The following UBE2O variants were observed in gnomAD, a reference collection of about 807,000 sequenced individuals.
UBE2O encodes the protein (E3-independent) E2 ubiquitin-conjugating enzyme.
In UBE2O, 15 loss-of-function variants were observed where a neutral mutation model predicts 125.8. That is an observed-to-expected ratio of 0.12 (90% confidence interval 0.08 to 0.18). The LOEUF is 0.18. Among genes scored for constraint, UBE2O ranks in the 10% least tolerant of loss-of-function variants. The probability of loss-of-function intolerance (pLI) is 1.00; values close to 1 mark genes in which losing one functional copy is unlikely to be tolerated. For synonymous variants in UBE2O, 708 were observed against 703.2 expected, an observed-to-expected ratio of 1.01 and a Z score of -0.11; for missense variants, 1,280 against 1,723.6, an observed-to-expected ratio of 0.74 and a Z score of 4.56.
chr17:76,399,394 A>G lies in UBE2O; in HGVS notation c.1628+55T>C, dbSNP rs557740628. 156 of 1,549,840 alleles carry G rather than the reference A, an allele frequency of 1.0e-4. No individual in the cohort carries two copies. The African/African-American group carries it at 1.7e-3, about 17-fold the overall frequency. On this transcript the variant is annotated intron_variant, in intron 9 of 17. Coordinates refer to ENST00000319380, the MANE Select transcript of UBE2O (RefSeq NM_022066.4). This position sits in a 1 kb window ranked among gnomAD's most constrained non-coding sequence, Gnocchi z 6.9. ...AGGCACGCACACCGAGGGGACGCGC[A>G]CTCTGCCTGGCTTCACGCTGACGCC...
Position 76,400,998 on chromosome 17 carries a change from G to C in UBE2O, c.894+13C>G. The C allele has an allele frequency of 3.7e-6, 6 of 1,613,364 alleles. No individual in the cohort carries two copies. The highest frequency in any genetic ancestry group is 5.1e-6 in the Non-Finnish European group (6 of 1,179,926). On this transcript the variant is annotated intron_variant, in intron 6 of 17. Transcript: ENST00000319380. The surrounding 1 kb of genome is among the most constrained non-coding windows in gnomAD (Gnocchi z 4.3). ...TCAAGGACTCCATCTCCTACCCTTG[G>C]GCCCGGACCCACCTCTTCCACCACC...
chr17:76,393,785 C>T (rs1004362163), intron 15 of UBE2O, among the ~76,000 whole-genome samples: 2 of 152,098 alleles, frequency 1.3e-5, no homozygotes, highest in Non-Finnish European at 2.9e-5. Flanking sequence ...TCTGTGCACA[C>T]ACGCGTGTGT....
chr17:76,406,388 C>T (rs1267194627), intron 1 of UBE2O, among the ~76,000 whole-genome samples: 2 of 152,096 alleles, frequency 1.3e-5, no homozygotes, highest in Non-Finnish European at 2.9e-5. Context: ...CTGTGTGTGT[C>T]CACCTCCGAG....
At chr17:76,440,968 G>A (rs577067105) in intron 1 of UBE2O, among the ~76,000 whole-genome samples, 1 of 152,294 alleles carries the variant, frequency 6.6e-6, no homozygotes, top group Non-Finnish European at 1.5e-5. Flanking sequence ...CACAGTGCAG[G>A]GGGCACCCGT....
At chr17:76,426,241 T>C (rs898753485) in intron 1 of UBE2O, among the ~76,000 whole-genome samples, 20 of 152,196 alleles carry the variant, frequency 1.3e-4, no homozygotes, top group African/African-American at 3.9e-4. Context: ...GCTCAAGCGA[T>C]CCTCCTGTCT....
In UBE2O at chr17:76,398,165, C is replaced by T. The variant is rs184073835; in HGVS notation, c.2025+90G>A. ...AGCCCAGAGGACTTTCAGGTCTTGT[C>T]TCCTAGAGCCACCTGGTGGCAGCAT... On this transcript the variant is annotated intron_variant, in intron 12 of 17. Transcript: ENST00000319380. The surrounding 1 kb of genome is among the most constrained non-coding windows in gnomAD (Gnocchi z 5.4). 793 of 1,579,408 alleles carry T rather than the reference C, an allele frequency of 5.0e-4. 6 individuals carry two copies. The highest frequency in any genetic ancestry group is 3.7e-4 in the Non-Finnish European group (423 of 1,155,416).
rs2072221788 is a variant in UBE2O at position 76,396,963 on chromosome 17, C to G, written c.2116-142G>C. ...CTTGGCAACCTCATTCCACCCTTTC[C>G]CTGACCTCTGCTCTGGCTTTTGCAG... On this transcript the variant is annotated intron_variant, in intron 13 of 17. Coordinates refer to ENST00000319380, the MANE Select transcript of UBE2O (RefSeq NM_022066.4). The surrounding 1 kb of genome is among the most constrained non-coding windows in gnomAD (Gnocchi z 6.7). 1.4e-6 allele frequency: 1 copy of G among 691,070 alleles called. No homozygotes were observed. Among genetic ancestry groups the G allele is most frequent in the African/African-American group, 1.8e-5 (1 of 55,244 alleles). 42.8% of individuals were successfully genotyped at this position (691,070 alleles called of 1,614,324 possible). A position where few individuals can be genotyped will look rare whatever the true frequency, so the allele number is the denominator to read the frequency against.
At chr17:76,408,636 A>G (rs999092868) in intron 1 of UBE2O, among the ~76,000 whole-genome samples, 2 of 152,242 alleles carry the variant, frequency 1.3e-5, no homozygotes, top group African/African-American at 4.8e-5. Context: ...AGTGGAAGGC[A>G]GCAATGGTGG....
intron 1 of UBE2O, among the ~76,000 whole-genome samples, chr17:76,432,127 T>C (rs2072916479): frequency 6.6e-6 from 1 of 152,140 alleles, no homozygotes; most frequent in East Asian, 1.9e-4. Context: ...CCACACAGCA[T>C]GGAGAATCTG....
At chr17:76,393,842 GAGA>G (rs1026122500) in intron 15 of UBE2O, among the ~76,000 whole-genome samples, 3 of 152,232 alleles carry the variant, frequency 2.0e-5, no homozygotes, top group Non-Finnish European at 4.4e-5. Flanking sequence ...GTGATGAGCT[GAGA>G]AGCAGGGAAG....
chr17:76,392,268 G>C (rs1348662321), intron 15 of UBE2O, among the ~76,000 whole-genome samples, 155 bp from the exon 16 acceptor site: 4 of 152,186 alleles, frequency 2.6e-5, no homozygotes, highest in Non-Finnish European at 1.5e-5. Flanking sequence ...ACCAGCAGTG[G>C]AGAAGCTAAG....
Position 76,452,594 on chromosome 17 carries a change from G to A in UBE2O, c.417+131C>T, listed in dbSNP as rs2073270646. ...CTTTGCATGGAGTGTACCCTCCACT[G>A]GGGCTGTCCTCCCGCGTCGGCCACT... On this transcript the variant is annotated intron_variant, in intron 1 of 17. Coordinates refer to ENST00000319380, the MANE Select transcript of UBE2O (RefSeq NM_022066.4). This position sits in a 1 kb window ranked among gnomAD's most constrained non-coding sequence, Gnocchi z 4.4. The A allele has an allele frequency of 3.6e-6, 3 of 842,234 alleles. No individual in the cohort carries two copies. The highest frequency in any genetic ancestry group is 4.9e-6 in the Non-Finnish European group (3 of 618,006). 52.2% of individuals were successfully genotyped at this position (842,234 alleles called of 1,614,324 possible).
At chr17:76,426,345 C>T (rs967702777) in intron 1 of UBE2O, among the ~76,000 whole-genome samples, 13 of 152,160 alleles carry the variant, frequency 8.5e-5, no homozygotes, top group Admixed American at 3.9e-4. Context: ...GGGCTGGATA[C>T]GGAATTCTCT....
In UBE2O at chr17:76,398,157, G is replaced by C. The variant is rs1016399134; in HGVS notation, c.2025+98C>G. 3.3e-5 allele frequency: 51 copies of C among 1,545,174 alleles called. No individual in the cohort carries two copies. The highest frequency in any genetic ancestry group is 4.4e-5 in the Non-Finnish European group (50 of 1,127,634). ...GGACACTGAGCCCAGAGGACTTTCA[G>C]GTCTTGTCTCCTAGAGCCACCTGGT... On this transcript the variant is annotated intron_variant, in intron 12 of 17. Coordinates refer to ENST00000319380, the MANE Select transcript of UBE2O (RefSeq NM_022066.4). The surrounding 1 kb of genome is among the most constrained non-coding windows in gnomAD (Gnocchi z 5.4).
intron 1 of UBE2O, among the ~76,000 whole-genome samples, chr17:76,429,433 T>G (rs532892701): frequency 6.7e-5 from 10 of 150,098 alleles, no homozygotes; most frequent in African/African-American, 2.5e-4. Flanking sequence ...TCCCAGCTAC[T>G]TGGGAGGCTG....
At chr17:76,442,152 C>T (rs908208232) in intron 1 of UBE2O, among the ~76,000 whole-genome samples, 1 of 152,240 alleles carries the variant, frequency 6.6e-6, no homozygotes, top group Non-Finnish European at 1.5e-5. Context: ...CCAGCTCTAG[C>T]TAGCTCTAGC....
At chr17:76,451,934 C>A (rs554692509) in intron 1 of UBE2O, among the ~76,000 whole-genome samples, 1 of 152,230 alleles carries the variant, frequency 6.6e-6, no homozygotes, top group East Asian at 1.9e-4. Flanking sequence ...ACCCCAAAAA[C>A]CATACGGGAG....
In UBE2O at chr17:76,399,721, C is replaced by G; in HGVS notation, c.1356G>C (p.Glu452Asp). 6.2e-7 allele frequency: 1 copy of G among 1,614,186 alleles called. No homozygotes were observed. Among genetic ancestry groups the G allele is most frequent in the Non-Finnish European group, 8.5e-7 (1 of 1,180,040 alleles). The change falls in exon 9 of 18, where the codon GAG (glutamate) becomes GAC (aspartate). Residue 452 changes from glutamate (E) to aspartate (D), a missense_variant. Transcript: ENST00000319380. The surrounding 1 kb of genome is among the most constrained non-coding windows in gnomAD (Gnocchi z 6.9). ...GCAGCTGCTCTCCTGCCTCGTGGGGCTCCTCTGCACCCTCGTCCTGCATCT... is the reference window on the plus strand; with the variant it reads ...GCAGCTGCTCTCCTGCCTCGTGGGGGTCCTCTGCACCCTCGTCCTGCATCT... ...PVEMQDEGAEEPHEAGEQLPP... is the reference protein window; with the variant it reads ...PVEMQDEGAEDPHEAGEQLPP...
chr17:76,406,196 G>A (rs1026374710), intron 1 of UBE2O, among the ~76,000 whole-genome samples: 23 of 152,236 alleles, frequency 1.5e-4, no homozygotes, highest in African/African-American at 2.4e-5. Flanking sequence ...CCAACTGCAC[G>A]AGCACCTGAT....
Sources: gnomAD v4.1 joint callset for allele counts (sites outside exome capture counted in the v4.1 genomes callset) on GRCh38, gnomAD v4.1.1 for gene constraint, Gnocchi (gnomAD v3.1) non-coding constraint, MANE v1.5 for transcripts, NCBI Gene and HGNC (gene_info 2026-07-23, HGNC 2026-07-21) for gene names.